PPP6R3: variants seen among roughly 807,000 people sequenced by gnomAD.
PPP6R3 encodes serine/threonine-protein phosphatase 6 regulatory subunit 3.
A neutral mutation model predicts 110.7 loss-of-function variants in PPP6R3; 38 were observed. The observed-to-expected ratio is 0.34, with a 90% CI of 0.26 to 0.45. The LOEUF (loss-of-function observed/expected upper bound fraction) is 0.45. Among genes scored for constraint, PPP6R3 ranks in the 20% least tolerant of loss-of-function variants. The probability of loss-of-function intolerance (pLI) is 1.00; values close to 1 mark genes in which losing one functional copy is unlikely to be tolerated. For missense variants in PPP6R3, 870 were observed against 1,062.4 expected (o/e 0.82, Z 2.52); for synonymous variants, 369 against 373.5 (o/e 0.99, Z 0.14).
intron 3 of PPP6R3, among the ~76,000 whole-genome samples, chr11:68,544,593 G>T (rs1028606537): frequency 6.6e-6 from 1 of 152,216 alleles, no homozygotes; most frequent in East Asian, 1.9e-4. Flanking sequence ...TACTAGGTGC[G>T]CTCTAGTTTC....
intron 9 of PPP6R3, among the ~76,000 whole-genome samples, chr11:68,564,814 G>A (rs553958059): frequency 1.6e-4 from 24 of 152,252 alleles, no homozygotes; most frequent in African/African-American, 4.8e-4. Flanking sequence ...ATGTATAGTC[G>A]ACCTTATTTA....
intron 1 of PPP6R3, among the ~76,000 whole-genome samples, chr11:68,470,394 T>C (rs1208039102): frequency 6.6e-6 from 1 of 151,624 alleles, no homozygotes; most frequent in Non-Finnish European, 1.5e-5. Flanking sequence ...GTCTGCTGTG[T>C]TGGAGGGGCA....
intron 1 of PPP6R3, among the ~76,000 whole-genome samples, chr11:68,485,932 G>A (rs981915907): frequency 1.8e-4 from 27 of 151,874 alleles, no homozygotes; most frequent in Non-Finnish European, 1.8e-4. Context: ...CACTTTGGGA[G>A]GCCAAGGCAG....
intron 1 of PPP6R3, among the ~76,000 whole-genome samples, chr11:68,486,714 T>C (rs955401062): frequency 6.6e-6 from 1 of 152,098 alleles, no homozygotes; most frequent in African/African-American, 2.4e-5. Context: ...AATTCACCAG[T>C]GAACCCATGT....
In PPP6R3 at chr11:68,532,733, T is replaced by G. The variant is rs574175430; in HGVS notation, c.-6-4926T>G. Among the ~76,000 whole-genome samples, 122 of 152,346 alleles carry G rather than the reference T, an allele frequency of 8.0e-4. 2 individuals are homozygous for G. The South Asian group carries it at 0.017, about 21-fold the overall frequency. On this transcript the variant is annotated intron_variant, in intron 2 of 23. Transcript: ENST00000393800. ...ATTTTGCTACTTCAGCTAAACAACA[T>G]CTTAACATGGTAGTGTCTGTTCAGA...
intron 3 of PPP6R3, among the ~76,000 whole-genome samples, chr11:68,542,685 C>T (rs1007271085): frequency 6.6e-5 from 10 of 152,096 alleles, no homozygotes; most frequent in African/African-American, 2.2e-4. Context: ...TGCGCCACCG[C>T]GCTCGGCCTT....
intron 1 of PPP6R3, among the ~76,000 whole-genome samples, chr11:68,467,166 T>A (rs796659208): frequency 6.6e-6 from 1 of 152,258 alleles, no homozygotes; most frequent in Non-Finnish European, 1.5e-5. Context: ...TAGTGAAGAC[T>A]ATACAGTTGA....
intron 9 of PPP6R3, among the ~76,000 whole-genome samples, chr11:68,564,668 C>G (rs749812648): frequency 5.9e-5 from 9 of 152,128 alleles, no homozygotes; most frequent in Non-Finnish European, 1.2e-4. Context: ...TTCTTGGGTA[C>G]TTACATGCCA....
intron 1 of PPP6R3, among the ~76,000 whole-genome samples, chr11:68,488,371 G>A (rs1178642639): frequency 6.6e-6 from 1 of 152,006 alleles, no homozygotes; most frequent in Non-Finnish European, 1.5e-5. Context: ...ATGGTGTCTC[G>A]CTGTGTTTCC....
intron 1 of PPP6R3, among the ~76,000 whole-genome samples, chr11:68,497,290 G>T (rs1228934975): frequency 6.7e-6 from 1 of 149,900 alleles, no homozygotes; most frequent in African/African-American, 2.5e-5. Flanking sequence ...TCCTGACCTC[G>T]TGATCCGCCC....
At chr11:68,542,393 T>TTTTTTTGTTTTTTTG (rs1317252286) in intron 3 of PPP6R3, among the ~76,000 whole-genome samples, 6 of 99,526 alleles carry the variant, frequency 6.0e-5, no homozygotes, top group Non-Finnish European at 1.0e-4. Context: ...GCTGCTGTTT[T>TTTTTTTGTTTTTTTG]TTTTTTTTTT....
chr11:68,537,668 T>C lies in PPP6R3; in HGVS notation c.4T>C (p.Phe2Leu). Residue 2 changes from phenylalanine (F) to leucine (L), a missense_variant, in exon 3 of 24, where the codon TTT (phenylalanine) becomes CTT (leucine). Physicochemically the swap from Phe to Leu is conservative, Grantham distance 22. Coordinates refer to ENST00000393800, the MANE Select transcript of PPP6R3 (RefSeq NM_001164161.2). M[F>L]WKFDLHSSSH... ...TCTGCATTTTGTTTAGACCAGCATG[T>C]TTTGGAAATTTGATCTTCACTCATC... is the stretch of plus-strand genomic sequence containing the variant. The C allele has an allele frequency of 6.3e-7, 1 of 1,578,446 alleles. No individual in the cohort carries two copies. The highest frequency in any genetic ancestry group is 8.6e-7 in the Non-Finnish European group (1 of 1,157,770).
intron 1 of PPP6R3, among the ~76,000 whole-genome samples, chr11:68,494,293 A>C (rs537437983): frequency 9.9e-5 from 15 of 151,122 alleles, no homozygotes; most frequent in African/African-American, 3.6e-4. Flanking sequence ...TGGGAGGCCG[A>C]GGCGGGCGGA....
In PPP6R3 at chr11:68,545,016, C is replaced by G; in HGVS notation, c.406C>G (p.Pro136Ala). 1 of 1,598,332 alleles carries G rather than the reference C, an allele frequency of 6.3e-7. No individual in the cohort carries two copies. The highest frequency in any genetic ancestry group is 8.6e-7 in the Non-Finnish European group (1 of 1,166,096). Residue 136 changes from proline (P) to alanine (A), a missense_variant, in exon 4 of 24, where the codon CCA (proline) becomes GCA (alanine). Physicochemically the swap from Pro to Ala is conservative, Grantham distance 27. Transcript: ENST00000393800. The part of the protein sequence containing the change: ...KVLSILISRK[P>A]EQIVDFLKKK... The stretch of plus-strand genomic sequence containing the variant: ...GCTAAGTATTCTTATCAGCAGAAAA[C>G]CAGAACAGGTAAATATGATTTTCCA...
chr11:68,614,180 C>T lies in PPP6R3; in HGVS notation c.*1063C>T. On this transcript the variant is annotated 3_prime_UTR_variant, in exon 24 of 24. Transcript: ENST00000393800. ...GGCACCGAAGCATGCTAATTGTTTA[C>T]TGTACCTTGTGAGGTTTTCACTCAT... is the stretch of plus-strand genomic sequence containing the variant. 1.0e-6 allele frequency: 1 copy of T among 987,432 alleles called. No individual in the cohort carries two copies. The highest frequency in any genetic ancestry group is 1.2e-6 in the Non-Finnish European group (1 of 831,128). 61.2% of individuals were successfully genotyped at this position (987,432 alleles called of 1,614,324 possible).
At chr11:68,471,496 G>A (rs1384720317) in intron 1 of PPP6R3, among the ~76,000 whole-genome samples, 1 of 152,038 alleles carries the variant, frequency 6.6e-6, no homozygotes, top group African/African-American at 2.4e-5. Context: ...CTGAGATAAG[G>A]ACCAAGACTC....
intron 2 of PPP6R3, among the ~76,000 whole-genome samples, chr11:68,532,988 G>A (rs1347697373): frequency 6.6e-6 from 1 of 152,238 alleles, no homozygotes; most frequent in Non-Finnish European, 1.5e-5. Context: ...GTGTGACTGT[G>A]TAGTCTGGGT....
intron 18 of PPP6R3, among the ~76,000 whole-genome samples, chr11:68,592,065 C>G (rs1338306843): frequency 6.6e-6 from 1 of 152,116 alleles, no homozygotes; most frequent in Non-Finnish European, 1.5e-5. Flanking sequence ...TGGAAAACTT[C>G]CCAAAGGAAG....
chr11:68,554,111 G>C, intron 6 of PPP6R3, 34 bp from the exon 7 acceptor site: 1 of 1,447,924 alleles, frequency 6.9e-7, no homozygotes, highest in Middle Eastern at 1.8e-4. Context: ...CTTCTAACAT[G>C]TTTTATGGTT....
Sources: allele counts gnomAD v4.1 joint callset (sites outside exome capture counted in the v4.1 genomes callset), GRCh38; gene constraint gnomAD v4.1.1; transcripts MANE v1.5; gene names NCBI Gene and HGNC (gene_info 2026-07-23, HGNC 2026-07-21).